Variants in SASH1 observed in about 807,000 individuals in gnomAD.
SASH1 encodes SAM and SH3 domain containing 1.
Under a neutral mutation model 125.2 loss-of-function variants are expected in SASH1, and 44 were observed. That is an observed-to-expected ratio of 0.35 (90% confidence interval 0.28 to 0.45). The LOEUF (loss-of-function observed/expected upper bound fraction) is 0.45, where lower values mean the gene tolerates loss of function less well. SASH1 is among the 20% of genes least tolerant of loss of function. SASH1 has a pLI of 1.00. For synonymous variants in SASH1, 639 were observed against 649.1 expected, an observed-to-expected ratio of 0.98 and a Z score of 0.24; for missense variants, 1,426 against 1,614.5, an observed-to-expected ratio of 0.88 and a Z score of 2.00.
chr6:148,470,218 C>T (rs549811965), intron 5 of SASH1, among the ~76,000 whole-genome samples: 23 of 152,214 alleles, frequency 1.5e-4, no homozygotes, highest in Non-Finnish European at 3.1e-4. Flanking sequence ...CTGTCTTTGG[C>T]GGAAAGGCTC....
At chr6:148,209,344 A>G in the SASH1 span, among the ~76,000 whole-genome samples, 1 of 152,376 alleles carries the variant, frequency 6.6e-6, no homozygotes, top group South Asian at 2.1e-4. Flanking sequence ...GCCTCTTGCC[A>G]TCAGAAGAGA....
intron 1 of SASH1, among the ~76,000 whole-genome samples, chr6:148,380,236 G>A (rs940843004): frequency 7.9e-5 from 12 of 152,168 alleles, no homozygotes; most frequent in Admixed American, 1.3e-4. Context: ...CGGTCACACC[G>A]CGAGGCTCTC....
At chr6:148,324,132 A>AAAAAAC (rs773631402) in intron 1 of SASH1, among the ~76,000 whole-genome samples, 3 of 150,276 alleles carry the variant, frequency 2.0e-5, no homozygotes, top group Non-Finnish European at 4.4e-5. Context: ...AAAAAAAAAA[A>AAAAAAC]AAAACAAGCA....
intron 4 of SASH1, 92 bp downstream of exon 4, chr6:148,440,499 A>T (rs1311417237): frequency 8.5e-6 from 9 of 1,060,770 alleles, no homozygotes; most frequent in Non-Finnish European, 1.2e-5. Flanking sequence ...TCATGTGCGT[A>T]TGTACTATGG....
At chr6:148,362,574 G>A (rs1442677931) in intron 1 of SASH1, among the ~76,000 whole-genome samples, 2 of 151,500 alleles carry the variant, frequency 1.3e-5, no homozygotes, top group African/African-American at 2.4e-5. Flanking sequence ...TGAAAGTGAG[G>A]TGAGGGTGAG....
chr6:148,346,893 G>A (rs1443389176), intron 1 of SASH1, among the ~76,000 whole-genome samples: 2 of 152,194 alleles, frequency 1.3e-5, no homozygotes, highest in Non-Finnish European at 2.9e-5. Context: ...ACCACGACAT[G>A]TGGTAGGCCA....
At chr6:148,476,082 T>TA (rs1778326981) in intron 7 of SASH1, among the ~76,000 whole-genome samples, 1 of 151,844 alleles carries the variant, frequency 6.6e-6, no homozygotes, top group African/African-American at 2.4e-5. Context: ...AACTGATAAG[T>TA]AAAGTTGCAG....
At chr6:148,402,564 C>A (rs1404137481) in intron 2 of SASH1, among the ~76,000 whole-genome samples, 1 of 151,782 alleles carries the variant, frequency 6.6e-6, no homozygotes, top group Non-Finnish European at 1.5e-5. Context: ...CTGCCTTGGC[C>A]TCCCAAAGTG....
intron 8 of SASH1, among the ~76,000 whole-genome samples, chr6:148,488,205 A>T (rs1240344253): frequency 6.6e-6 from 1 of 152,096 alleles, no homozygotes; most frequent in Non-Finnish European, 1.5e-5. Flanking sequence ...TGTGAATTTG[A>T]CACCTCTCAA....
chr6:148,245,973 A>C, the SASH1 span, among the ~76,000 whole-genome samples: 2 of 150,998 alleles, frequency 1.3e-5, no homozygotes, highest in Non-Finnish European at 2.9e-5. Context: ...ACAGAACCAG[A>C]CTCCGTCTAA....
At chr6:148,454,332 T>C (rs935783643) in intron 4 of SASH1, among the ~76,000 whole-genome samples, 3 of 152,074 alleles carry the variant, frequency 2.0e-5, no homozygotes, top group African/African-American at 7.2e-5. Flanking sequence ...ACACTGACGG[T>C]GAAGCACGGA....
intron 1 of SASH1, among the ~76,000 whole-genome samples, chr6:148,387,308 C>T (rs747685094): frequency 1.3e-4 from 20 of 151,564 alleles, no homozygotes; most frequent in Non-Finnish European, 2.1e-4. Flanking sequence ...TTAGTAGAGA[C>T]GGGGTTTCAC....
chr6:148,197,919 G>A, the SASH1 span, among the ~76,000 whole-genome samples: 2 of 151,972 alleles, frequency 1.3e-5, no homozygotes, highest in African/African-American at 4.8e-5. Flanking sequence ...GTGCTATCTC[G>A]GCTCACTGCA....
chr6:148,299,930 T>C (rs910763970), intron 1 of SASH1, among the ~76,000 whole-genome samples: 2 of 152,086 alleles, frequency 1.3e-5, no homozygotes, highest in Non-Finnish European at 2.9e-5. Context: ...GTAGATAATG[T>C]TGTCAAGATG....
intron 1 of SASH1, among the ~76,000 whole-genome samples, chr6:148,350,369 A>G (rs529156626): frequency 6.6e-6 from 1 of 152,366 alleles, no homozygotes; most frequent in East Asian, 1.9e-4. Flanking sequence ...CTCTATACTG[A>G]TAGAATGTGG....
At chr6:148,384,645 A>G (rs1041540865) in intron 1 of SASH1, among the ~76,000 whole-genome samples, 1 of 152,216 alleles carries the variant, frequency 6.6e-6, no homozygotes, top group Non-Finnish European at 1.5e-5. Flanking sequence ...AAATATTTTT[A>G]TGGAGTAGGT....
chr6:148,471,475 G>C lies in SASH1; in HGVS notation c.486G>C (p.Gln162His), dbSNP rs749173955. ...TCTGGCAGAACTTCCGAAAGAACCA[G>C]AAAGGAATAATGAGACAGACTTCAA... Reference protein sequence around the residue: ...KYFWQNFRKNQKGIMRQTSKG... With the variant: ...KYFWQNFRKNHKGIMRQTSKG... The change falls in exon 6 of 20, where the codon CAG becomes CAC. Residue 162 changes from glutamine (Q) to histidine (H), a missense_variant. Around this residue, in one of 3 missense-constraint regions of SASH1, gnomAD observed 567 missense variants for 575.6 expected, o/e 0.99. Coordinates refer to ENST00000367467, the MANE Select transcript of SASH1 (RefSeq NM_015278.5). 3 of 1,549,828 alleles carry C rather than the reference G, an allele frequency of 1.9e-6. No homozygotes were observed. Among genetic ancestry groups the C allele is most frequent in the Non-Finnish European group, 2.6e-6 (3 of 1,144,996 alleles).
At chr6:148,239,547 C>T in the SASH1 span, among the ~76,000 whole-genome samples, 4 of 152,170 alleles carry the variant, frequency 2.6e-5, no homozygotes, top group African/African-American at 9.7e-5. Flanking sequence ...GAGCAGGCAC[C>T]AGACATGTTG....
At chr6:148,381,772 G>T (rs1783149482) in intron 1 of SASH1, among the ~76,000 whole-genome samples, 1 of 151,652 alleles carries the variant, frequency 6.6e-6, no homozygotes, top group Admixed American at 6.6e-5. Flanking sequence ...GGGATTACAG[G>T]CATGCACCAC....
Sources: gnomAD v4.1 joint callset for allele counts (sites outside exome capture counted in the v4.1 genomes callset) on GRCh38, gnomAD v4.1.1 for gene constraint, gnomAD v4.1.1 regional missense constraint, MANE v1.5 for transcripts, NCBI Gene and HGNC (gene_info 2026-07-23, HGNC 2026-07-21) for gene names.